The following PDGFRA variants were observed in gnomAD, a reference collection of about 807,000 sequenced individuals.
PDGFRA encodes platelet-derived growth factor receptor alpha.
PDGFRA carries 25 observed loss-of-function variants against 121.5 expected under a neutral mutation model. The observed-to-expected ratio is 0.21, with a 90% CI of 0.15 to 0.29. The LOEUF (loss-of-function observed/expected upper bound fraction) is 0.29. Among genes scored for constraint, PDGFRA ranks in the 10% least tolerant of loss-of-function variants. The pLI is 1.00. For synonymous variants in PDGFRA, 463 were observed against 494.8 expected, an observed-to-expected ratio of 0.94 and a Z score of 0.85; for missense variants, 1,008 against 1,345.1, an observed-to-expected ratio of 0.75 and a Z score of 3.92.
At chr4:54,233,783 T>G (rs1720845863) in intron 1 of PDGFRA, among the ~76,000 whole-genome samples, 3 of 152,254 alleles carry the variant, frequency 2.0e-5, no homozygotes, top group African/African-American at 7.2e-5. Context: ...AGGCGCCGTC[T>G]TCTGCGTTCC....
intron 1 of PDGFRA, among the ~76,000 whole-genome samples, chr4:54,242,011 C>T (rs1721328119): frequency 6.6e-6 from 1 of 152,150 alleles, no homozygotes. Flanking sequence ...TATATCTTTT[C>T]CTTTTCCCTT....
At chr4:54,258,723 T>G (rs1242307296) in intron 1 of PDGFRA, 34 bp from the exon 2 acceptor site, 2 of 1,339,472 alleles carry the variant, frequency 1.5e-6, no homozygotes. Flanking sequence ...TTCTATTTGC[T>G]AATGCTGTTT....
chr4:54,261,452 C>T, intron 3 of PDGFRA, 40 bp downstream of exon 3: 5 of 1,311,992 alleles, frequency 3.8e-6, no homozygotes, highest in Non-Finnish European at 5.5e-6. Context: ...TTCTTCTCTT[C>T]CTGTCTCTCC....
chr4:54,293,223 C>A (rs1724717530), intron 22 of PDGFRA, among the ~76,000 whole-genome samples: 1 of 150,764 alleles, frequency 6.6e-6, no homozygotes, highest in Non-Finnish European at 1.5e-5. Flanking sequence ...CTGATTACAT[C>A]CTTGAAGTGT....
intron 22 of PDGFRA, among the ~76,000 whole-genome samples, chr4:54,292,410 A>C (rs1273210269): frequency 6.6e-6 from 1 of 152,072 alleles, no homozygotes; most frequent in Non-Finnish European, 1.5e-5. Flanking sequence ...CAGCAAACTA[A>C]CACAGGAACA....
chr4:54,278,241 AAAAAAAAAAAAACTTTTTTGGT>A, intron 14 of PDGFRA, 99 bp from the exon 15 acceptor site: 1 of 687,152 alleles, frequency 1.5e-6, no homozygotes, highest in Non-Finnish European at 2.5e-6. Context: ...AAAAAAAAAA[AAAAAAAAAAAAACTTTTTTGGT>A]ATCTTATTTT....
At position 54,278,380 on chromosome 4, in the gene PDGFRA, C is replaced by T. The variant is rs121908587; in HGVS notation, c.2021C>T (p.Thr674Ile). The change falls in exon 15 of 23, where the codon ACA becomes ATA. Residue 674 changes from threonine (T) to isoleucine (I), a missense_variant. This residue lies in a region of PDGFRA where 128 missense variants were observed against 147.6 expected (regional missense o/e 0.87). Coordinates refer to ENST00000257290, the MANE Select transcript of PDGFRA (RefSeq NM_006206.6). ...CTKSGPIYII[T>I]EYCFYGDLVN... Reference sequence around the variant, plus strand: ...CCCATAGGCCCCATTTACATCATCACAGAGTATTGCTTCTATGGAGATTTG... The same window carrying T: ...CCCATAGGCCCCATTTACATCATCATAGAGTATTGCTTCTATGGAGATTTG... The T allele has an allele frequency of 1.2e-6, 2 of 1,613,648 alleles. No individual in the cohort carries two copies. Among genetic ancestry groups the T allele is most frequent in the Non-Finnish European group, 1.7e-6 (2 of 1,179,690 alleles).
At chr4:54,272,577 C>T in intron 9 of PDGFRA, 57 bp downstream of exon 9, 5 of 1,548,742 alleles carry the variant, frequency 3.2e-6, no homozygotes, top group Non-Finnish European at 4.4e-6. Flanking sequence ...TCCCTTGACA[C>T]AAATGATGTC....
chr4:54,295,369 TG>T lies in PDGFRA; in HGVS notation c.*99del. 1.6e-6 allele frequency: 2 copies of T among 1,221,040 alleles called. No individual in the cohort carries two copies. Among genetic ancestry groups the T allele is most frequent in the Non-Finnish European group, 2.4e-6 (2 of 833,184 alleles). 75.6% of individuals were successfully genotyped at this position (1,221,040 alleles called of 1,614,324 possible). On this transcript the variant is annotated 3_prime_UTR_variant, in exon 23 of 23. Coordinates refer to ENST00000257290, the MANE Select transcript of PDGFRA (RefSeq NM_006206.6). ...CAATGCAGAGGTTGAGAGGAGGACT[TG>T]GTTGATGTTTAAAGAGAAGTTCCCA... is the stretch of plus-strand genomic sequence containing the variant.
Position 54,295,407 on chromosome 4 carries a change from C to CG in PDGFRA, c.*139dup, listed in dbSNP as rs35265085. 1 of 814,504 alleles carries CG rather than the reference C, an allele frequency of 1.2e-6. No homozygotes were observed. The highest frequency in any genetic ancestry group is 2.4e-5 in the East Asian group (1 of 40,862). The allele number at this position is 814,504 out of a possible 1,614,324, so 50.5% of individuals were successfully genotyped here. A position where few individuals can be genotyped will look rare whatever the true frequency, so the allele number is the denominator to read the frequency against. ...AAGAGAAGTTCCCAGCCAAGGGCCTCGGGGAGCGTTCTAAATATGAATGAA... is the reference window on the plus strand; with the variant it reads ...AAGAGAAGTTCCCAGCCAAGGGCCTCGGGGGAGCGTTCTAAATATGAATGAA... On this transcript the variant is annotated 3_prime_UTR_variant, in exon 23 of 23. Coordinates refer to ENST00000257290, the MANE Select transcript of PDGFRA (RefSeq NM_006206.6).
intron 1 of PDGFRA, among the ~76,000 whole-genome samples, chr4:54,257,744 G>A (rs558516671): frequency 2.6e-5 from 4 of 152,156 alleles, no homozygotes; most frequent in Admixed American, 6.5e-5. Context: ...AAAATAAAGT[G>A]AATGGGGAAG....
intron 1 of PDGFRA, among the ~76,000 whole-genome samples, chr4:54,231,743 G>A (rs567708778): frequency 6.6e-6 from 1 of 152,264 alleles, no homozygotes; most frequent in East Asian, 1.9e-4. Context: ...GCTGGACCTC[G>A]TTCACAAGAG....
At chr4:54,277,325 C>T (rs576274572) in intron 12 of PDGFRA, 63 bp from the exon 13 acceptor site, 23 of 1,095,430 alleles carry the variant, frequency 2.1e-5, no homozygotes, top group Middle Eastern at 2.5e-4. Context: ...GAGCTGGCTA[C>T]GGTGCAGAAA....
intron 3 of PDGFRA, among the ~76,000 whole-genome samples, chr4:54,262,212 G>A (rs1722788418): frequency 1.3e-5 from 2 of 151,940 alleles, no homozygotes; most frequent in South Asian, 2.1e-4. Flanking sequence ...TTACAGGCGT[G>A]AGCCACTGTG....
rs1254397723 is a variant in PDGFRA, at chr4:54,297,280, T to C, written c.*2008T>C. ...CAATCACTGTGCTATCGGCAGATGA[T>C]GCTTTGGAAGATGCAGAAGCAATAA... On this transcript the variant is annotated 3_prime_UTR_variant, in exon 23 of 23. Coordinates refer to ENST00000257290, the MANE Select transcript of PDGFRA (RefSeq NM_006206.6). 8.6e-6 allele frequency: 2 copies of C among 233,628 alleles called. No homozygotes were observed. Among genetic ancestry groups the C allele is most frequent in the Non-Finnish European group, 1.7e-5 (2 of 118,070 alleles). 14.5% of individuals were successfully genotyped at this position (233,628 alleles called of 1,614,324 possible).
At chr4:54,265,610 A>G (rs1235883142) in intron 5 of PDGFRA, among the ~76,000 whole-genome samples, 2 of 152,184 alleles carry the variant, frequency 1.3e-5, no homozygotes, top group East Asian at 3.9e-4. Flanking sequence ...AGTTTGCTCA[A>G]TCCCAAGCAC....
At chr4:54,277,117 G>GCA in intron 12 of PDGFRA, 1 of 491,526 alleles carries the variant, frequency 2.0e-6, no homozygotes, top group African/African-American at 2.0e-5. Flanking sequence ...CTGGTAGACA[G>GCA]CGCGCTCACA....
chr4:54,272,725 CAA>C (rs1315674378), intron 9 of PDGFRA, among the ~76,000 whole-genome samples: 3 of 152,114 alleles, frequency 2.0e-5, no homozygotes, highest in African/African-American at 2.4e-5. Context: ...AATCTAAAAA[CAA>C]GAGTGAATTT....
In PDGFRA at chr4:54,263,764, C is replaced by G. The variant is rs376832294; in HGVS notation, c.465C>G (p.Pro155=). The change falls in exon 4 of 23, where the codon CCC becomes CCG. Residue 155 remains proline (P), a synonymous_variant. Coordinates refer to ENST00000257290, the MANE Select transcript of PDGFRA (RefSeq NM_006206.6). ...TTATACCTTGTCGCACAACTGATCC[C>G]GAGACTCCTGTAACCTTACACAACA... ...SAIIPCRTTD[P]ETPVTLHNSE... is the part of the protein sequence containing the mutation. 6.2e-7 allele frequency: 1 copy of G among 1,614,048 alleles called. No individual in the cohort carries two copies. The highest frequency in any genetic ancestry group is 8.5e-7 in the Non-Finnish European group (1 of 1,179,986).
Sources: allele counts gnomAD v4.1 joint callset (sites outside exome capture counted in the v4.1 genomes callset), GRCh38; gene constraint gnomAD v4.1.1; regional missense constraint gnomAD v4.1.1; transcripts MANE v1.5; gene names NCBI Gene and HGNC (gene_info 2026-07-23, HGNC 2026-07-21).